Variants in GSG1L observed in about 807,000 individuals in gnomAD.
The protein encoded by GSG1L is GSG1 like.
A neutral mutation model predicts 42.1 loss-of-function variants in GSG1L; 24 were observed. The observed-to-expected ratio is 0.57, with a 90% CI of 0.41 to 0.80. GSG1L has a LOEUF of 0.80. Among genes scored for constraint, GSG1L ranks in the 30% least tolerant of loss-of-function variants. The pLI, the probability that GSG1L is intolerant of heterozygous loss-of-function variation, is 0.00. For synonymous variants in GSG1L, 215 were observed against 203.5 expected (o/e 1.06, Z -0.48); for missense variants, 445 against 472.2 (o/e 0.94, Z 0.53).
At chr16:27,936,976 T>C (rs924182369) in intron 2 of GSG1L, among the ~76,000 whole-genome samples, 10 of 152,058 alleles carry the variant, frequency 6.6e-5, no homozygotes, top group Non-Finnish European at 1.2e-4. Context: ...TCTTTTCTGC[T>C]CTTCCTAGAG....
At chr16:27,873,809 G>A (rs12595886) in intron 3 of GSG1L, among the ~76,000 whole-genome samples, 8,808 of 152,274 alleles carry the variant, frequency 0.058, 322 homozygotes, top group East Asian at 0.13. Context: ...ACTCAGCTTG[G>A]TCCACTACCT....
chr16:27,892,789 C>CAAAAA (rs67758245), intron 2 of GSG1L, among the ~76,000 whole-genome samples: 1 of 96,684 alleles, frequency 1.0e-5, no homozygotes, highest in Non-Finnish European at 2.1e-5. Context: ...GACTCAGTCT[C>CAAAAA]AAAAAAAAAA....
At chr16:27,962,031 C>T (rs1314388838) in intron 2 of GSG1L, among the ~76,000 whole-genome samples, 1 of 152,206 alleles carries the variant, frequency 6.6e-6, no homozygotes, top group Non-Finnish European at 1.5e-5. Flanking sequence ...GCCCAGAGCC[C>T]TCTCTTAATC....
At chr16:28,025,661 G>A (rs867882462) in intron 1 of GSG1L, among the ~76,000 whole-genome samples, 4 of 152,324 alleles carry the variant, frequency 2.6e-5, no homozygotes, top group Non-Finnish European at 5.9e-5. Context: ...ATAAATTCAC[G>A]AATAAATGAG....
At chr16:27,820,261 C>T (rs1225757213) in intron 5 of GSG1L, among the ~76,000 whole-genome samples, 2 of 152,116 alleles carry the variant, frequency 1.3e-5, no homozygotes, top group African/African-American at 2.4e-5. Context: ...CCCTCGGCCA[C>T]GTGGCCATGG....
chr16:27,978,499 T>C (rs1339680447), intron 1 of GSG1L, among the ~76,000 whole-genome samples: 1 of 152,098 alleles, frequency 6.6e-6, no homozygotes, highest in African/African-American at 2.4e-5. Flanking sequence ...GAGACCAGCC[T>C]GGCCAACATA....
intron 3 of GSG1L, chr16:27,863,256 C>T (rs1367268919): frequency 6.6e-6 from 1 of 152,152 alleles, no homozygotes; most frequent in Non-Finnish European, 1.5e-5. Context: ...ACTCAGTGCT[C>T]ATTTCATCAG....
intron 2 of GSG1L, among the ~76,000 whole-genome samples, chr16:27,940,957 A>C (rs2084786410): frequency 6.6e-6 from 1 of 152,120 alleles, no homozygotes; most frequent in Non-Finnish European, 1.5e-5. Flanking sequence ...CTTTAAAATT[A>C]AGTATTTCTT....
chr16:27,895,823 T>C (rs1157934616), intron 2 of GSG1L, among the ~76,000 whole-genome samples: 1 of 152,222 alleles, frequency 6.6e-6, no homozygotes, highest in East Asian at 1.9e-4. Context: ...CCTCAGTGGA[T>C]ACTTTAGTGG....
Position 27,971,046 on chromosome 16 carries a change from G to A in GSG1L, c.350-7843C>T, listed in dbSNP as rs562875731. 2.6e-5 allele frequency among the ~76,000 whole-genome samples: 4 copies of A among 152,198 alleles called. No homozygotes were observed. In the South Asian group the frequency reaches 8.3e-4, roughly 32 times the overall value. ...CTTATACTACACTATCTTGATTACT[G>A]TAGCTTTGAAGTTTTGAAATTGGAA... is the stretch of plus-strand genomic sequence containing the variant. On this transcript the variant is annotated intron_variant, in intron 1 of 6. Coordinates refer to ENST00000447459, the MANE Select transcript of GSG1L (RefSeq NM_001109763.2).
chr16:27,866,022 T>TTC lies in GSG1L; in HGVS notation c.550+18462_550+18463dup, dbSNP rs1174440998. 3.3e-5 allele frequency among the ~76,000 whole-genome samples: 5 copies of TTC among 151,938 alleles called. No individual in the cohort carries two copies. In the East Asian group the frequency reaches 7.7e-4, roughly 23 times the overall value. On this transcript the variant is annotated intron_variant, in intron 3 of 6. Transcript: ENST00000447459. ...GGCCAAATACACTCTTAGTTTCTGT[T>TTC]TCTCTCTCTCTGTGTCTCTCTCTAG... is the stretch of plus-strand genomic sequence containing the variant.
At chr16:27,941,096 C>T (rs752965885) in intron 2 of GSG1L, among the ~76,000 whole-genome samples, 2 of 152,026 alleles carry the variant, frequency 1.3e-5, no homozygotes, top group Admixed American at 6.6e-5. Flanking sequence ...GATTTGGCAA[C>T]AGTTCCTTGG....
intron 1 of GSG1L, among the ~76,000 whole-genome samples, chr16:28,030,036 G>A (rs1480659794): frequency 6.6e-6 from 1 of 152,188 alleles, no homozygotes; most frequent in Non-Finnish European, 1.5e-5. Flanking sequence ...TTTCCAGGAG[G>A]GCCAGAGAAG....
chr16:28,058,646 C>T (rs1391323426), intron 1 of GSG1L, among the ~76,000 whole-genome samples: 3 of 142,600 alleles, frequency 2.1e-5, no homozygotes, highest in African/African-American at 5.3e-5. Flanking sequence ...ACAAACAAAC[C>T]ATGTCGAGGA....
intron 5 of GSG1L, among the ~76,000 whole-genome samples, chr16:27,819,939 A>G (rs2083134041): frequency 6.6e-6 from 1 of 152,150 alleles, no homozygotes; most frequent in Non-Finnish European, 1.5e-5. Flanking sequence ...GCCACAGACT[A>G]GGACGATGGA....
chr16:28,014,963 T>C (rs1016023344), intron 1 of GSG1L, among the ~76,000 whole-genome samples: 7 of 152,222 alleles, frequency 4.6e-5, no homozygotes, highest in African/African-American at 1.7e-4. Context: ...CCAGCCAGGT[T>C]GTGAGCTTTG....
At chr16:27,817,222 C>T (rs938193164) in intron 5 of GSG1L, among the ~76,000 whole-genome samples, 6 of 152,288 alleles carry the variant, frequency 3.9e-5, no homozygotes, top group African/African-American at 1.2e-4. Context: ...CCTACCAGGC[C>T]CCATCTCTGC....
intron 3 of GSG1L, among the ~76,000 whole-genome samples, chr16:27,859,129 G>GT (rs1282322146): frequency 1.3e-5 from 2 of 152,144 alleles, no homozygotes; most frequent in Non-Finnish European, 2.9e-5. Context: ...TGTGGGAGGG[G>GT]TAGGAGTGAC....
intron 3 of GSG1L, among the ~76,000 whole-genome samples, chr16:27,851,026 G>C (rs576455978): frequency 6.6e-6 from 1 of 152,234 alleles, no homozygotes; most frequent in East Asian, 1.9e-4. Flanking sequence ...TGGAGAGGGA[G>C]AGATGGACAG....
Sources: gnomAD v4.1 joint callset for allele counts (sites outside exome capture counted in the v4.1 genomes callset) on GRCh38, gnomAD v4.1.1 for gene constraint, MANE v1.5 for transcripts, NCBI Gene and HGNC (gene_info 2026-07-23, HGNC 2026-07-21) for gene names.